The following PHLDB2 variants were observed in gnomAD, a reference collection of about 807,000 sequenced individuals.
PHLDB2 encodes pleckstrin homology-like domain family B member 2.
A neutral mutation model predicts 123.6 loss-of-function variants in PHLDB2; 71 were observed. That is an observed-to-expected ratio of 0.57 (90% CI 0.47 to 0.70). The LOEUF (loss-of-function observed/expected upper bound fraction) is 0.70, where lower values mean the gene tolerates loss of function less well. PHLDB2 is among the 30% of genes least tolerant of loss of function. The probability of loss-of-function intolerance (pLI) is 0.00; values close to 1 mark genes in which losing one functional copy is unlikely to be tolerated. For missense variants in PHLDB2, 1,446 were observed against 1,519.5 expected, an observed-to-expected ratio of 0.95 and a Z score of 0.80; for synonymous variants, 547 against 541.6, an observed-to-expected ratio of 1.01 and a Z score of -0.14.
chr3:111,781,234 C>T (rs2060463806), intron 1 of PHLDB2, among the ~76,000 whole-genome samples: 1 of 151,922 alleles, frequency 6.6e-6, no homozygotes. Context: ...CTCTATTGAC[C>T]ATAGTGACTA....
chr3:111,751,621 G>A (rs10934106), intron 1 of PHLDB2, among the ~76,000 whole-genome samples: 1 of 147,030 alleles, frequency 6.8e-6, no homozygotes, highest in African/African-American at 2.5e-5. Flanking sequence ...TTGTGGATTG[G>A]GTAACAAGAC....
At chr3:111,942,696 A>G (rs2069988931) in intron 8 of PHLDB2, among the ~76,000 whole-genome samples, 3 of 152,106 alleles carry the variant, frequency 2.0e-5, no homozygotes, top group African/African-American at 4.8e-5. Context: ...GAAGGCTGTG[A>G]AGGGCCTTAT....
intron 1 of PHLDB2, among the ~76,000 whole-genome samples, chr3:111,871,115 G>A (rs1913494): frequency 0.6 from 91,744 of 152,056 alleles, 28,647 homozygotes; most frequent in Middle Eastern, 0.79. Flanking sequence ...ACTTGCTCTT[G>A]CAGTCAGTCC....
At chr3:111,857,427 G>T (rs1192030785), upstream of PHLDB2, among the ~76,000 whole-genome samples, 1 of 145,066 alleles carries the variant, frequency 6.9e-6, no homozygotes, top group Non-Finnish European at 1.5e-5. Context: ...CTCCAACCTG[G>T]GTGACAAAGT....
At chr3:111,767,117 T>A (rs1418098524) in intron 1 of PHLDB2, among the ~76,000 whole-genome samples, 1 of 149,796 alleles carries the variant, frequency 6.7e-6, no homozygotes, top group Non-Finnish European at 1.5e-5. Flanking sequence ...ACTGAGAAAG[T>A]CACCTTGCTA....
At chr3:111,942,400 A>G (rs367956014) in intron 8 of PHLDB2, among the ~76,000 whole-genome samples, 2 of 152,340 alleles carry the variant, frequency 1.3e-5, no homozygotes, top group African/African-American at 4.8e-5. Context: ...TACTTGCTAA[A>G]ATGTATTTGT....
chr3:111,944,025 A>G (rs1577150909), intron 8 of PHLDB2, among the ~76,000 whole-genome samples: 1 of 152,230 alleles, frequency 6.6e-6, no homozygotes, highest in African/African-American at 2.4e-5. Context: ...TGTTAGGTAT[A>G]TTTATATAAT....
Position 111,903,109 on chromosome 3 carries a change from A to G in PHLDB2, c.1336-10210A>G, listed in dbSNP as rs538514750. On this transcript the variant is annotated intron_variant, in intron 2 of 17. Coordinates refer to ENST00000431670, the MANE Select transcript of PHLDB2 (RefSeq NM_001134438.2). ...CATGAGATAAGATTAAAAGAACTAA[A>G]TTTCTTCTTCTAAGTATGAGTAAGG... 3.5e-4 allele frequency among the ~76,000 whole-genome samples: 53 copies of G among 152,280 alleles called. 1 individual carries two copies. Among genetic ancestry groups the G allele is most frequent in the Non-Finnish European group, 5.3e-4 (36 of 68,026 alleles).
At chr3:111,962,929 C>CAAAAAAA (rs57625439) in intron 13 of PHLDB2, among the ~76,000 whole-genome samples, 14 of 93,806 alleles carry the variant, frequency 1.5e-4, no homozygotes, top group South Asian at 4.5e-4. Context: ...AACTCCATCT[C>CAAAAAAA]AAAAAAAAAA....
At chr3:111,901,230 C>T (rs1305397221) in intron 2 of PHLDB2, among the ~76,000 whole-genome samples, 1 of 151,804 alleles carries the variant, frequency 6.6e-6, no homozygotes, top group Non-Finnish European at 1.5e-5. Context: ...CGTGGTGGCA[C>T]ATGCCTGTGG....
chr3:111,973,822 A>G lies in PHLDB2; in HGVS notation c.3621+5A>G. On this transcript the variant is annotated splice_donor_5th_base_variant and intron_variant, in intron 17 of 17. Coordinates refer to ENST00000431670, the MANE Select transcript of PHLDB2 (RefSeq NM_001134438.2). ...CACCTCAAGAATGCTAATAAGGTAA[A>G]CATCAGTTTTCTAAATTCCTACAAT... is the stretch of plus-strand genomic sequence containing the variant. 6.5e-7 allele frequency: 1 copy of G among 1,532,342 alleles called. No individual in the cohort carries two copies. The highest frequency in any genetic ancestry group is 1.2e-5 in the South Asian group (1 of 84,534). The allele number at this position is 1,532,342 out of a possible 1,614,324, so 94.9% of individuals were successfully genotyped here.
intron 1 of PHLDB2, among the ~76,000 whole-genome samples, chr3:111,738,950 A>G (rs1345822179): frequency 6.6e-6 from 1 of 152,184 alleles, no homozygotes; most frequent in Non-Finnish European, 1.5e-5. Flanking sequence ...TGATTCTGCT[A>G]CTACACACAC....
At chr3:111,850,802 A>G (rs2064213060) in intron 2 of PHLDB2, among the ~76,000 whole-genome samples, 1 of 152,174 alleles carries the variant, frequency 6.6e-6, no homozygotes, top group African/African-American at 2.4e-5. Context: ...TATACTAGTC[A>G]TAACATCACT....
At chr3:111,955,921 C>T (rs1163141227) in intron 12 of PHLDB2, among the ~76,000 whole-genome samples, 1 of 152,118 alleles carries the variant, frequency 6.6e-6, no homozygotes, top group African/African-American at 2.4e-5. Context: ...CATTTTCTTG[C>T]CAGGTGTGGT....
rs2072463283 is a variant in PHLDB2, at chr3:111,975,709, T to C, written c.*1146T>C. On this transcript the variant is annotated 3_prime_UTR_variant, in exon 18 of 18. Transcript: ENST00000431670. Reference sequence around the variant, plus strand: ...CAAATGAAACGACTTCAGGCAAGTCTCTTTTATAATGGTTTTTCAAGTGCC... The same window carrying C: ...CAAATGAAACGACTTCAGGCAAGTCCCTTTTATAATGGTTTTTCAAGTGCC... The C allele has an allele frequency of 6.5e-6, 1 of 152,676 alleles. No homozygotes were observed. The highest frequency in any genetic ancestry group is 6.5e-5 in the Admixed American group (1 of 15,288). 9.5% of individuals were successfully genotyped at this position (152,676 alleles called of 1,614,324 possible).
intron 1 of PHLDB2, among the ~76,000 whole-genome samples, chr3:111,790,820 A>G (rs1008729226): frequency 3.9e-5 from 6 of 152,212 alleles, no homozygotes; most frequent in Non-Finnish European, 7.3e-5. Context: ...CAAATATAGT[A>G]ATATAGAGAA....
chr3:111,932,081 C>T (rs1175336149), intron 5 of PHLDB2, among the ~76,000 whole-genome samples, 188 bp from the exon 6 acceptor site: 1 of 152,154 alleles, frequency 6.6e-6, no homozygotes, highest in Non-Finnish European at 1.5e-5. Flanking sequence ...ATGCAGAAAC[C>T]CAGTCCCTTT....
At chr3:111,805,189 G>T (rs919002305) in intron 1 of PHLDB2, among the ~76,000 whole-genome samples, 12 of 152,252 alleles carry the variant, frequency 7.9e-5, no homozygotes, top group African/African-American at 2.4e-4. Flanking sequence ...GTACATAAAT[G>T]TTTATAGCAG....
rs909714782 is a variant in PHLDB2, at chr3:111,913,847, G to A, written c.1719+145G>A. The A allele has an allele frequency of 1.8e-5, 20 of 1,135,178 alleles. No homozygotes were observed. The East Asian group carries it at 4.3e-4, about 24-fold the overall frequency. 70.3% of individuals were successfully genotyped at this position (1,135,178 alleles called of 1,614,324 possible). ...TTTAAGAGGTCATTAGCTGAGCGAG[G>A]TGCAGCAAATTAGGGTGTTTACTGT... On this transcript the variant is annotated intron_variant, in intron 3 of 17. Coordinates refer to ENST00000431670, the MANE Select transcript of PHLDB2 (RefSeq NM_001134438.2).
Sources: allele counts gnomAD v4.1 joint callset (sites outside exome capture counted in the v4.1 genomes callset), GRCh38; gene constraint gnomAD v4.1.1; transcripts MANE v1.5; gene names NCBI Gene and HGNC (gene_info 2026-07-23, HGNC 2026-07-21).